CAGE1: variants seen among roughly 807,000 people sequenced by gnomAD.
CAGE1 encodes the protein cancer antigen 1.
A neutral mutation model predicts 94.9 loss-of-function variants in CAGE1; 66 were observed. That is an observed-to-expected ratio of 0.70 (90% confidence interval 0.57 to 0.85). The LOEUF (loss-of-function observed/expected upper bound fraction) is 0.85, where lower values mean the gene tolerates loss of function less well. Ranked by LOEUF, CAGE1 falls within the 40% of genes least tolerant of loss-of-function variation. The pLI, the probability that CAGE1 is intolerant of heterozygous loss-of-function variation, is 0.00. For synonymous variants in CAGE1, 319 were observed against 321.0 expected, an observed-to-expected ratio of 0.99 and a Z score of 0.07; for missense variants, 865 against 950.4, an observed-to-expected ratio of 0.91 and a Z score of 1.18.
intron 1 of CAGE1, among the ~76,000 whole-genome samples, chr6:7,387,677 A>G (rs1364425015): frequency 2.0e-5 from 3 of 151,794 alleles, no homozygotes; most frequent in Admixed American, 6.6e-5. Flanking sequence ...CCTCTACCTC[A>G]TCATGCATGG....
chr6:7,380,906 C>T (rs1179807995), intron 3 of CAGE1, among the ~76,000 whole-genome samples: 4 of 152,186 alleles, frequency 2.6e-5, no homozygotes, highest in Non-Finnish European at 5.9e-5. Context: ...TTCAACTTTA[C>T]TAGATATTGC....
chr6:7,386,252 A>G (rs962855848), intron 2 of CAGE1, among the ~76,000 whole-genome samples: 7 of 152,252 alleles, frequency 4.6e-5, no homozygotes, highest in Non-Finnish European at 8.8e-5. Flanking sequence ...AGATATATAA[A>G]ACAGGCATAT....
At chr6:7,365,680 C>A in intron 8 of CAGE1, 105 bp from the exon 9 acceptor site, 1 of 1,409,150 alleles carries the variant, frequency 7.1e-7, no homozygotes, top group Non-Finnish European at 9.8e-7. Context: ...TTATCAGTGG[C>A]TGGAATAATA....
At chr6:7,386,447 T>C (rs1320074839) in intron 2 of CAGE1, among the ~76,000 whole-genome samples, 2 of 152,194 alleles carry the variant, frequency 1.3e-5, no homozygotes, top group Non-Finnish European at 2.9e-5. Context: ...GTCAATGTCA[T>C]TATGAATGAC....
rs747243076 is a variant in CAGE1, at chr6:7,373,505, A to G, written c.1314T>C (p.Tyr438=). The part of the protein sequence containing the change: ...MQQKNKSVSQ[Y]LEMDKTLSKK... ...TGCTTAAGGTTTTGTCCATCTCTAA[A>G]TACTGACTTACAGATTTATTTTTTT... Residue 438 remains tyrosine (Y), a synonymous_variant, in exon 5 of 14, where the codon TAT becomes TAC. Coordinates refer to ENST00000502583, the MANE Select transcript of CAGE1 (RefSeq NM_001170692.2). The G allele has an allele frequency of 5.6e-6, 9 of 1,613,686 alleles. No individual in the cohort carries two copies. In the South Asian group the frequency reaches 8.8e-5, roughly 16 times the overall value.
intron 4 of CAGE1, among the ~76,000 whole-genome samples, chr6:7,377,902 G>A (rs1331568011): frequency 1.3e-5 from 2 of 152,162 alleles, no homozygotes; most frequent in Non-Finnish European, 2.9e-5. Flanking sequence ...TACTACATGT[G>A]TGCTCGGAAT....
chr6:7,329,134 T>C (rs1408232781), intron 13 of CAGE1: 8 of 361,024 alleles, frequency 2.2e-5, no homozygotes, highest in Admixed American at 4.7e-5. Flanking sequence ...GGGTTCCCCA[T>C]GTTGGTCAGG....
intron 11 of CAGE1, chr6:7,341,238 G>GT: frequency 1.5e-6 from 1 of 675,406 alleles, no homozygotes; most frequent in South Asian, 1.4e-5. Flanking sequence ...TACTGTGGAG[G>GT]TAGCCAAAGG....
intron 7 of CAGE1, among the ~76,000 whole-genome samples, chr6:7,366,836 G>A (rs1379279467): frequency 1.3e-5 from 2 of 151,972 alleles, no homozygotes; most frequent in East Asian, 1.9e-4. Flanking sequence ...TGGTCTCGGG[G>A]TCTCCAAGGA....
chr6:7,355,775 A>G (rs1348204498), intron 10 of CAGE1, among the ~76,000 whole-genome samples: 1 of 152,202 alleles, frequency 6.6e-6, no homozygotes, highest in Non-Finnish European at 1.5e-5. Flanking sequence ...GCCGAGGCAG[A>G]AGGATTGCTT....
At position 7,346,278 on chromosome 6, in the gene CAGE1, G is replaced by A. The variant is rs9505174; in HGVS notation, c.2369+8763C>T. Among the ~76,000 whole-genome samples the A allele has an allele frequency of 2.9e-3, 447 of 152,278 alleles. 1 individual carries two copies. Among genetic ancestry groups the A allele is most frequent in the African/African-American group, 9.4e-3 (389 of 41,546 alleles). On this transcript the variant is annotated intron_variant, in intron 11 of 13. Transcript: ENST00000502583. ...ATTTTTTAAAAAGTAAATCAGGGCG[G>A]GTGCAGTGACTCACGCCTGTAATCC...
intron 11 of CAGE1, among the ~76,000 whole-genome samples, chr6:7,345,136 TTTTAGGAGCTAGGTCCATATTGC>T (rs1246574283): frequency 2.4e-4 from 10 of 42,032 alleles, no homozygotes; most frequent in Non-Finnish European, 4.3e-4. Context: ...TCCATATTGC[TTTTAGGAGCTAGGTCCATATTGC>T]TTTTAGGAGC....
chr6:7,364,459 C>G (rs766891814), intron 9 of CAGE1, among the ~76,000 whole-genome samples: 6 of 151,636 alleles, frequency 4.0e-5, no homozygotes, highest in Non-Finnish European at 5.9e-5. Flanking sequence ...ATAATAATTA[C>G]TGGTTTTTTG....
intron 9 of CAGE1, among the ~76,000 whole-genome samples, chr6:7,356,410 C>T (rs1322738425): frequency 6.6e-6 from 1 of 152,170 alleles, no homozygotes; most frequent in Non-Finnish European, 1.5e-5. Flanking sequence ...AAATATTTAT[C>T]AGCCCCAAAT....
chr6:7,330,317 G>A (rs960362141), intron 12 of CAGE1, among the ~76,000 whole-genome samples: 2 of 152,284 alleles, frequency 1.3e-5, no homozygotes, highest in East Asian at 1.9e-4. Context: ...AGCCTGGGAG[G>A]TGGAGGCTGC....
chr6:7,340,370 T>C (rs964274638), intron 11 of CAGE1, among the ~76,000 whole-genome samples: 1 of 152,250 alleles, frequency 6.6e-6, no homozygotes, highest in Non-Finnish European at 1.5e-5. Flanking sequence ...GTGGGTTGTC[T>C]GTTTACTTTG....
intron 11 of CAGE1, among the ~76,000 whole-genome samples, chr6:7,345,748 C>A (rs1480313183): frequency 1.3e-5 from 2 of 151,796 alleles, no homozygotes; most frequent in Non-Finnish European, 2.9e-5. Flanking sequence ...TGACTAAAAC[C>A]CCGTCTCTAC....
intron 6 of CAGE1, 125 bp downstream of exon 6, chr6:7,369,794 G>T: frequency 1.0e-6 from 1 of 967,186 alleles, no homozygotes; most frequent in Non-Finnish European, 1.5e-6. Context: ...TTAGGGGTCT[G>T]TATTTTATCT....
At chr6:7,358,027 G>GATATATATATATGTGTATATATAT (rs1554138207) in intron 9 of CAGE1, among the ~76,000 whole-genome samples, 1 of 48,074 alleles carries the variant, frequency 2.1e-5, no homozygotes, top group Non-Finnish European at 4.3e-5. Flanking sequence ...TAAGTTTTGA[G>GATATATATATATGTGTATATATAT]ATATATATAT....
Sources: gnomAD v4.1 joint callset for allele counts (sites outside exome capture counted in the v4.1 genomes callset) on GRCh38, gnomAD v4.1.1 for gene constraint, MANE v1.5 for transcripts, NCBI Gene and HGNC (gene_info 2026-07-23, HGNC 2026-07-21) for gene names.